Variants in CAMKMT observed in about 807,000 individuals in gnomAD.
CAMKMT encodes the protein calmodulin-lysine N-methyltransferase.
CAMKMT carries 53 observed loss-of-function variants against 48.0 expected under a neutral mutation model. That is an observed-to-expected ratio of 1.10 (90% CI 0.89 to 1.39). CAMKMT has a LOEUF of 1.39. Among genes scored for constraint, CAMKMT ranks in the 40% most tolerant of loss-of-function variants. The pLI is 0.00. For missense variants in CAMKMT, 428 were observed against 402.7 expected, an observed-to-expected ratio of 1.06 and a Z score of -0.54; for synonymous variants, 165 against 152.3, an observed-to-expected ratio of 1.08 and a Z score of -0.61.
chr2:44,518,282 A>T (rs960220580), intron 3 of CAMKMT, among the ~76,000 whole-genome samples: 1 of 152,130 alleles, frequency 6.6e-6, no homozygotes, highest in African/African-American at 2.4e-5. Flanking sequence ...ATGGGTAGTC[A>T]TTGCCTGCCA....
At chr2:44,398,271 G>A (rs188418431) in intron 3 of CAMKMT, among the ~76,000 whole-genome samples, 5 of 152,280 alleles carry the variant, frequency 3.3e-5, no homozygotes, top group African/African-American at 9.6e-5. Flanking sequence ...CTCCAAAACG[G>A]CGAGAAATGA....
chr2:44,476,976 TATACAGTC>T (rs1668721587), intron 3 of CAMKMT, among the ~76,000 whole-genome samples: 1 of 152,196 alleles, frequency 6.6e-6, no homozygotes, highest in East Asian at 1.9e-4. Flanking sequence ...AGAAAGCTTT[TATACAGTC>T]ATATCAATGG....
rs186008424 is a variant in CAMKMT at position 44,688,628 on chromosome 2, G to A, written c.377-15655G>A. 4.6e-5 allele frequency among the ~76,000 whole-genome samples: 7 copies of A among 152,228 alleles called. No individual in the cohort carries two copies. The East Asian group carries it at 1.3e-3, about 29-fold the overall frequency. Reference sequence around the variant, plus strand: ...AATGAGATGTTGCCCTACTTACCATGTAAATTTGCTGAGTAGTGTTTTACC... The same window carrying A: ...AATGAGATGTTGCCCTACTTACCATATAAATTTGCTGAGTAGTGTTTTACC... On this transcript the variant is annotated intron_variant, in intron 3 of 10. Coordinates refer to ENST00000378494, the MANE Select transcript of CAMKMT (RefSeq NM_024766.5).
In CAMKMT at chr2:44,558,018, G is replaced by GTTTT. The variant is rs1309695333; in HGVS notation, c.377-146264_377-146261dup. Among the ~76,000 whole-genome samples the GTTTT allele has an allele frequency of 7.0e-4, 106 of 151,494 alleles. 1 individual carries two copies. In the Middle Eastern group the frequency reaches 0.014, roughly 20 times the overall value. On this transcript the variant is annotated intron_variant, in intron 3 of 10. Coordinates refer to ENST00000378494, the MANE Select transcript of CAMKMT (RefSeq NM_024766.5). ...ATGATCAACTGCAATACTATTGTGA[G>GTTTT]TTTTATTTATTTATTTATTCATTCA...
chr2:44,603,053 C>T (rs6718003), intron 3 of CAMKMT, among the ~76,000 whole-genome samples: 89,210 of 151,706 alleles, frequency 0.59, 27,177 homozygotes, highest in Middle Eastern at 0.7. Context: ...CACACACACA[C>T]ATATATAGAT....
chr2:44,441,389 G>A (rs902836666), intron 3 of CAMKMT, among the ~76,000 whole-genome samples: 5 of 152,004 alleles, frequency 3.3e-5, no homozygotes, highest in African/African-American at 9.7e-5. Context: ...GTGATGACTC[G>A]GAATTAATCC....
At chr2:44,409,927 G>T (rs893988740) in intron 3 of CAMKMT, among the ~76,000 whole-genome samples, 3 of 152,030 alleles carry the variant, frequency 2.0e-5, no homozygotes, top group African/African-American at 7.2e-5. Flanking sequence ...TCTGGTCCTT[G>T]TTCTCAAATG....
chr2:44,748,454 G>T lies in CAMKMT; in HGVS notation c.698+4758G>T, dbSNP rs572408834. On this transcript the variant is annotated intron_variant, in intron 8 of 10. Coordinates refer to ENST00000378494, the MANE Select transcript of CAMKMT (RefSeq NM_024766.5). ...GGATGCACAGATATAAACCGAGTGT[G>T]GTCCTTTGCTTAAATGCCGCATGTC... is the stretch of plus-strand genomic sequence containing the variant. 1.1e-4 allele frequency among the ~76,000 whole-genome samples: 17 copies of T among 152,144 alleles called. No homozygotes were observed. The South Asian group carries it at 3.3e-3, about 30-fold the overall frequency.
intron 10 of CAMKMT, among the ~76,000 whole-genome samples, chr2:44,770,089 T>C (rs1405922201): frequency 6.6e-6 from 1 of 152,262 alleles, no homozygotes; most frequent in African/African-American, 2.4e-5. Flanking sequence ...CCTTTTGATA[T>C]TTGTCAAAAT....
Position 44,683,840 on chromosome 2 carries a change from AAAAGAAAAAG to A in CAMKMT, c.377-20439_377-20430del, listed in dbSNP as rs1491002709. Among the ~76,000 whole-genome samples, 264 of 149,208 alleles carry A rather than the reference AAAAGAAAAAG, an allele frequency of 1.8e-3. 1 individual carries two copies. Among genetic ancestry groups the A allele is most frequent in the African/African-American group, 3.3e-3 (133 of 40,552 alleles). ...TCTGTCTCAAAAAAAAAAAAAAAAA[AAAAGAAAAAG>A]AAAAAAGAAAAAGAAAAGAAAAATA... On this transcript the variant is annotated intron_variant, in intron 3 of 10. Transcript: ENST00000378494.
intron 3 of CAMKMT, among the ~76,000 whole-genome samples, chr2:44,680,733 A>G (rs1421580087): frequency 6.6e-6 from 1 of 152,180 alleles, no homozygotes; most frequent in Non-Finnish European, 1.5e-5. Flanking sequence ...GCTGCAGGGG[A>G]TAATGGTTCT....
At chr2:44,735,776 G>C (rs963034896) in intron 7 of CAMKMT, among the ~76,000 whole-genome samples, 1 of 151,892 alleles carries the variant, frequency 6.6e-6, no homozygotes. Context: ...AGCCAGGCGT[G>C]GTCGTTGGTG....
intron 3 of CAMKMT, among the ~76,000 whole-genome samples, chr2:44,466,331 T>A (rs1306324843): frequency 6.6e-6 from 1 of 152,204 alleles, no homozygotes; most frequent in Non-Finnish European, 1.5e-5. Context: ...ATGTATTTTT[T>A]CTGACCACAC....
intron 3 of CAMKMT, among the ~76,000 whole-genome samples, chr2:44,416,450 C>G (rs184618394): frequency 1.3e-5 from 2 of 151,858 alleles, no homozygotes; most frequent in Non-Finnish European, 2.9e-5. Flanking sequence ...TACTACTTCT[C>G]GGGTAAAAAC....
chr2:44,532,657 T>TA (rs1484812664), intron 3 of CAMKMT, among the ~76,000 whole-genome samples: 2 of 152,122 alleles, frequency 1.3e-5, no homozygotes, highest in East Asian at 3.8e-4. Context: ...AGGGGGCAAA[T>TA]TTATTTTTAT....
At chr2:44,492,780 T>G (rs1449010744) in intron 3 of CAMKMT, among the ~76,000 whole-genome samples, 1 of 152,240 alleles carries the variant, frequency 6.6e-6, no homozygotes, top group Non-Finnish European at 1.5e-5. Flanking sequence ...GATAAAGGCT[T>G]TCTCCTAAGG....
chr2:44,446,086 A>G (rs1365524784), intron 3 of CAMKMT, among the ~76,000 whole-genome samples: 2 of 152,134 alleles, frequency 1.3e-5, no homozygotes, highest in Non-Finnish European at 2.9e-5. Context: ...CTCTGGGACT[A>G]CAGGTGTGTG....
chr2:44,691,103 C>T (rs1016650029), intron 3 of CAMKMT, among the ~76,000 whole-genome samples: 29 of 152,172 alleles, frequency 1.9e-4, no homozygotes, highest in South Asian at 2.1e-4. Context: ...GATAAGGAAT[C>T]GGGGAAGGAG....
rs561093779 is a variant in CAMKMT at position 44,626,257 on chromosome 2, A to G, written c.377-78026A>G. Among the ~76,000 whole-genome samples the G allele has an allele frequency of 1.3e-4, 20 of 152,228 alleles. No homozygotes were observed. In the East Asian group the frequency reaches 3.9e-3, roughly 29 times the overall value. ...TTGTACACCCACTCCGATGTGCATA[A>G]TTATTCCTATTATTTTGTTTTCTTT... On this transcript the variant is annotated intron_variant, in intron 3 of 10. Coordinates refer to ENST00000378494, the MANE Select transcript of CAMKMT (RefSeq NM_024766.5).
Sources: allele counts gnomAD v4.1 joint callset (sites outside exome capture counted in the v4.1 genomes callset), GRCh38; gene constraint gnomAD v4.1.1; transcripts MANE v1.5; gene names NCBI Gene and HGNC (gene_info 2026-07-23, HGNC 2026-07-21).